Variants in MAPKAP1 observed in about 807,000 individuals in gnomAD.
MAPKAP1 encodes the protein MAPK associated protein 1, also known as target of rapamycin complex 2 subunit MAPKAP1.
A neutral mutation model predicts 65.7 loss-of-function variants in MAPKAP1; 20 were observed. The observed-to-expected ratio is 0.30, with a 90% CI of 0.21 to 0.44. MAPKAP1 has a LOEUF of 0.44. Among genes scored for constraint, MAPKAP1 ranks in the 20% least tolerant of loss-of-function variants. The probability of loss-of-function intolerance (pLI) is 1.00; values close to 1 mark genes in which losing one functional copy is unlikely to be tolerated. For missense variants in MAPKAP1, 423 were observed against 648.0 expected, an observed-to-expected ratio of 0.65 and a Z score of 3.77; for synonymous variants, 222 against 244.3, an observed-to-expected ratio of 0.91 and a Z score of 0.85.
intron 10 of MAPKAP1, 23 bp from the exon 11 acceptor site, chr9:125,444,621 T>C (rs540857161): frequency 1.0e-4 from 156 of 1,567,812 alleles, no homozygotes; most frequent in Non-Finnish European, 1.3e-4. Flanking sequence ...AAAACTGTGT[T>C]GAGGGGTTCT....
At chr9:125,481,353 A>G (rs1482692909) in intron 9 of MAPKAP1, among the ~76,000 whole-genome samples, 2 of 152,056 alleles carry the variant, frequency 1.3e-5, no homozygotes, top group Non-Finnish European at 2.9e-5. Flanking sequence ...GCGGGGATGG[A>G]TTTGCTGATG....
chr9:125,688,874 G>C (rs1438243344), intron 1 of MAPKAP1, among the ~76,000 whole-genome samples: 6 of 152,160 alleles, frequency 3.9e-5, no homozygotes, highest in Admixed American at 3.9e-4. Context: ...GTGGAGTCAG[G>C]ATAGCCTGGC....
At chr9:125,657,115 T>C (rs1221328352) in intron 4 of MAPKAP1, among the ~76,000 whole-genome samples, 2 of 152,182 alleles carry the variant, frequency 1.3e-5, no homozygotes, top group South Asian at 2.1e-4. Flanking sequence ...TCTACAGTTA[T>C]AATAATCAGC....
chr9:125,594,999 G>A (rs1308401722), intron 4 of MAPKAP1, among the ~76,000 whole-genome samples: 1 of 152,116 alleles, frequency 6.6e-6, no homozygotes, highest in Non-Finnish European at 1.5e-5. Context: ...CATACTGATG[G>A]AATAAATGAT....
intron 2 of MAPKAP1, among the ~76,000 whole-genome samples, chr9:125,670,866 T>TA (rs991271722): frequency 1.7e-4 from 26 of 152,220 alleles, no homozygotes; most frequent in Non-Finnish European, 3.1e-4. Context: ...AGAAAATAAA[T>TA]ACATCTCTTT....
chr9:125,476,528 A>C (rs1045940608), intron 9 of MAPKAP1, among the ~76,000 whole-genome samples: 5 of 151,704 alleles, frequency 3.3e-5, no homozygotes, highest in East Asian at 1.9e-4. Context: ...GATTACTTGA[A>C]CTGTACTCCA....
intron 7 of MAPKAP1, among the ~76,000 whole-genome samples, chr9:125,520,879 G>C (rs1232612215): frequency 2.6e-5 from 4 of 152,170 alleles, no homozygotes; most frequent in African/African-American, 9.7e-5. Flanking sequence ...CATGGATCTA[G>C]CTGACTCACC....
chr9:125,698,302 T>TAAA (rs1193034214), intron 1 of MAPKAP1, among the ~76,000 whole-genome samples: 331 of 21,846 alleles, frequency 0.015, 3 homozygotes, highest in African/African-American at 0.051. Flanking sequence ...TATATATATA[T>TAAA]ATATATATAT....
intron 5 of MAPKAP1, chr9:125,565,756 A>AG: frequency 2.3e-6 from 1 of 427,556 alleles, no homozygotes; most frequent in East Asian, 7.2e-5. Flanking sequence ...AAAAAAAAAA[A>AG]AAAAAAAAAA....
intron 9 of MAPKAP1, among the ~76,000 whole-genome samples, chr9:125,468,602 C>T (rs185613693): frequency 1.1e-4 from 16 of 152,316 alleles, no homozygotes; most frequent in African/African-American, 3.6e-4. Flanking sequence ...TCTGAAACAA[C>T]CTTATACACT....
intron 5 of MAPKAP1, among the ~76,000 whole-genome samples, chr9:125,574,877 AT>A (rs1346955385): frequency 6.6e-6 from 1 of 152,214 alleles, no homozygotes; most frequent in African/African-American, 2.4e-5. Flanking sequence ...ACATGAGAAA[AT>A]CATACTACAT....
chr9:125,565,607 C>T (rs1440509094), intron 5 of MAPKAP1: 2 of 355,204 alleles, frequency 5.6e-6, no homozygotes, highest in Non-Finnish European at 1.1e-5. Context: ...AGCTCAGAAG[C>T]TGATATCTCT....
At chr9:125,657,966 G>A (rs1196301706) in intron 3 of MAPKAP1, among the ~76,000 whole-genome samples, 167 bp from the exon 4 acceptor site, 1 of 152,196 alleles carries the variant, frequency 6.6e-6, no homozygotes, top group Non-Finnish European at 1.5e-5. Context: ...AAAAGGCAGA[G>A]CACGGAAGAA....
At chr9:125,581,417 G>C (rs1292996366) in intron 5 of MAPKAP1, among the ~76,000 whole-genome samples, 10 of 152,142 alleles carry the variant, frequency 6.6e-5, no homozygotes, top group Admixed American at 6.6e-4. Context: ...GGTTTTAATT[G>C]CATTTTCCTA....
intron 4 of MAPKAP1, among the ~76,000 whole-genome samples, chr9:125,602,710 G>A (rs924536751): frequency 3.4e-4 from 52 of 152,122 alleles, no homozygotes; most frequent in African/African-American, 1.3e-3. Context: ...CACCTATCAG[G>A]GTCCAAGCAC....
intron 4 of MAPKAP1, among the ~76,000 whole-genome samples, chr9:125,644,115 T>C (rs1833656809): frequency 6.6e-6 from 1 of 152,064 alleles, no homozygotes; most frequent in Non-Finnish European, 1.5e-5. Flanking sequence ...AATGGAGAGA[T>C]CAGAAAGCAA....
At chr9:125,702,803 G>C (rs1162817459) in intron 1 of MAPKAP1, among the ~76,000 whole-genome samples, 2 of 151,788 alleles carry the variant, frequency 1.3e-5, no homozygotes, top group Admixed American at 1.3e-4. Flanking sequence ...AGTGAGCCAA[G>C]GTCATGCCAC....
intron 5 of MAPKAP1, among the ~76,000 whole-genome samples, chr9:125,563,644 G>T (rs1830958907): frequency 6.6e-6 from 1 of 152,070 alleles, no homozygotes; most frequent in Non-Finnish European, 1.5e-5. Context: ...ACAAACATTT[G>T]TTGAATAAAT....
At chr9:125,663,401 C>T (rs904261167) in intron 3 of MAPKAP1, among the ~76,000 whole-genome samples, 2 of 152,168 alleles carry the variant, frequency 1.3e-5, no homozygotes, top group African/African-American at 2.4e-5. Context: ...ACAGTACCTT[C>T]CTAATGAGCC....
Sources: gnomAD v4.1 joint callset for allele counts (sites outside exome capture counted in the v4.1 genomes callset) on GRCh38, gnomAD v4.1.1 for gene constraint, MANE v1.5 for transcripts, NCBI Gene and HGNC (gene_info 2026-07-23, HGNC 2026-07-21) for gene names.